Variants in METTL8 observed in about 807,000 individuals in gnomAD.
METTL8 encodes tRNA N(3)-cytidine methyltransferase METTL8, mitochondrial.
Under a neutral mutation model 48.7 loss-of-function variants are expected in METTL8, and 32 were observed. The observed-to-expected ratio is 0.66, with a 90% CI of 0.50 to 0.88. METTL8 has a LOEUF of 0.88. Among genes scored for constraint, METTL8 ranks in the 40% least tolerant of loss-of-function variants. The pLI is 0.00. For missense variants in METTL8, 464 were observed against 474.4 expected, an observed-to-expected ratio of 0.98 and a Z score of 0.20; for synonymous variants, 136 against 157.1, an observed-to-expected ratio of 0.87 and a Z score of 1.01.
intron 2 of METTL8, among the ~76,000 whole-genome samples, chr2:171,384,852 G>C (rs1687895685): frequency 6.6e-6 from 1 of 151,910 alleles, no homozygotes. Flanking sequence ...AATTAATAAA[G>C]TAAGTAAATA....
chr2:171,369,697 T>G (rs1686101706), intron 2 of METTL8, among the ~76,000 whole-genome samples: 1 of 152,150 alleles, frequency 6.6e-6, no homozygotes, highest in Non-Finnish European at 1.5e-5. Flanking sequence ...AACTATTGCC[T>G]TGAAATAATT....
intron 2 of METTL8, among the ~76,000 whole-genome samples, chr2:171,377,286 G>A (rs1248406467): frequency 2.6e-5 from 4 of 151,938 alleles, no homozygotes; most frequent in African/African-American, 7.3e-5. Context: ...CATTGGCTTA[G>A]GCAAAGAATT....
At chr2:171,414,534 C>T (rs932623278) in intron 1 of METTL8, 1 of 151,924 alleles carries the variant, frequency 6.6e-6, no homozygotes, top group Non-Finnish European at 1.5e-5. Context: ...AAAGACCAGA[C>T]TGGGAAACAT....
intron 1 of METTL8, among the ~76,000 whole-genome samples, chr2:171,397,914 A>T (rs1689268269): frequency 6.6e-6 from 1 of 152,244 alleles, no homozygotes; most frequent in South Asian, 2.1e-4. Context: ...ATTTGTAATT[A>T]AAATCAAAAC....
intron 1 of METTL8, among the ~76,000 whole-genome samples, chr2:171,424,045 G>T (rs1692146425): frequency 6.6e-6 from 1 of 152,214 alleles, no homozygotes; most frequent in Admixed American, 6.5e-5. Flanking sequence ...GGCTAAAAGG[G>T]GCCAAGGTAC....
intron 3 of METTL8, 39 bp from the exon 4 acceptor site, chr2:171,339,593 G>T: frequency 1.7e-6 from 2 of 1,168,930 alleles, no homozygotes; most frequent in South Asian, 3.4e-5. Flanking sequence ...ATTTTACTAC[G>T]AATTATATTT....
intron 2 of METTL8, among the ~76,000 whole-genome samples, chr2:171,377,256 A>G (rs1687066769): frequency 6.6e-6 from 1 of 152,166 alleles, no homozygotes. Flanking sequence ...AGAAGATAAC[A>G]TCGGAAAAAC....
At chr2:171,385,772 G>T (rs954350220) in intron 2 of METTL8, among the ~76,000 whole-genome samples, 2 of 152,246 alleles carry the variant, frequency 1.3e-5, no homozygotes, top group African/African-American at 4.8e-5. Context: ...GAGGGAAAAG[G>T]AAGTGGTGCT....
At chr2:171,422,315 A>G (rs1234175789) in intron 1 of METTL8, among the ~76,000 whole-genome samples, 2 of 152,234 alleles carry the variant, frequency 1.3e-5, no homozygotes, top group Non-Finnish European at 2.9e-5. Flanking sequence ...AAGGATCTCT[A>G]ATTTATACCA....
intron 2 of METTL8, among the ~76,000 whole-genome samples, chr2:171,372,210 T>C (rs894002882): frequency 7.9e-5 from 12 of 152,048 alleles, no homozygotes; most frequent in African/African-American, 2.9e-4. Flanking sequence ...TTTGAGAAGT[T>C]GGAATCAGTA....
intron 5 of METTL8, among the ~76,000 whole-genome samples, chr2:171,333,493 G>A (rs1685765626): frequency 6.6e-6 from 1 of 152,180 alleles, no homozygotes; most frequent in African/African-American, 2.4e-5. Context: ...TTCAATTTAA[G>A]ATCTATCCAA....
chr2:171,357,242 A>G (rs1684685620), intron 3 of METTL8, among the ~76,000 whole-genome samples: 1 of 152,150 alleles, frequency 6.6e-6, no homozygotes, highest in African/African-American at 2.4e-5. Flanking sequence ...TACAGGCGTA[A>G]GCCCCTGTGC....
intron 1 of METTL8, among the ~76,000 whole-genome samples, chr2:171,421,441 C>T (rs1205111992): frequency 1.1e-4 from 1 of 9,494 alleles, no homozygotes; most frequent in African/African-American, 2.4e-4. Context: ...CACAGTGAGA[C>T]CTTACTTCAA....
intron 2 of METTL8, among the ~76,000 whole-genome samples, chr2:171,368,864 C>T (rs553991002): frequency 2.0e-5 from 3 of 151,208 alleles, no homozygotes; most frequent in South Asian, 4.2e-4. Context: ...TAGTGAGACC[C>T]GGTCTTAAAA....
chr2:171,419,057 A>G (rs1039781837), intron 1 of METTL8, among the ~76,000 whole-genome samples: 2 of 150,078 alleles, frequency 1.3e-5, no homozygotes, highest in African/African-American at 2.4e-5. Context: ...GTTGGCTCCT[A>G]TATTCCTTTT....
At chr2:171,387,543 T>A (rs13407631) in intron 2 of METTL8, among the ~76,000 whole-genome samples, 44,756 of 144,712 alleles carry the variant, frequency 0.31, 6,794 homozygotes, top group African/African-American at 0.35. Flanking sequence ...TAAAAAAAAT[T>A]AAAAAAAAAA....
chr2:171,349,432 G>A (rs1683637666), intron 3 of METTL8, among the ~76,000 whole-genome samples: 1 of 152,052 alleles, frequency 6.6e-6, no homozygotes, highest in African/African-American at 2.4e-5. Context: ...TTTTTGTGGT[G>A]GCTTATTTCA....
chr2:171,369,514 T>A (rs1686081133), intron 2 of METTL8, among the ~76,000 whole-genome samples: 2 of 152,258 alleles, frequency 1.3e-5, no homozygotes, highest in African/African-American at 2.4e-5. Flanking sequence ...ATATGTCATT[T>A]ATGTTAATAT....
intron 3 of METTL8, among the ~76,000 whole-genome samples, chr2:171,340,196 CT>C (rs1245443304): frequency 8.4e-5 from 1 of 11,974 alleles, no homozygotes; most frequent in African/African-American, 2.1e-4. Flanking sequence ...GAAACTCTGT[CT>C]CAAAAAAAAA....
Sources: allele counts gnomAD v4.1 joint callset (sites outside exome capture counted in the v4.1 genomes callset), GRCh38; gene constraint gnomAD v4.1.1; transcripts MANE v1.5; gene names NCBI Gene and HGNC (gene_info 2026-07-23, HGNC 2026-07-21).